The following TNRC6B variants were observed in gnomAD, a reference collection of about 807,000 sequenced individuals.
TNRC6B encodes trinucleotide repeat containing adaptor 6B, also known as trinucleotide repeat-containing gene 6B protein.
A neutral mutation model predicts 203.6 loss-of-function variants in TNRC6B; 52 were observed. The observed-to-expected ratio is 0.26, with a 90% confidence interval of 0.20 to 0.32. TNRC6B has a LOEUF of 0.32. Among genes scored for constraint, TNRC6B ranks in the 10% least tolerant of loss-of-function variants. The pLI is 1.00. For missense variants in TNRC6B, 1,923 were observed against 2,286.2 expected, an observed-to-expected ratio of 0.84 and a Z score of 3.24; for synonymous variants, 838 against 845.7, an observed-to-expected ratio of 0.99 and a Z score of 0.16.
At chr22:40,144,433 T>G (rs1319665434) in intron 3 of TNRC6B, among the ~76,000 whole-genome samples, 1 of 152,168 alleles carries the variant, frequency 6.6e-6, no homozygotes, top group Non-Finnish European at 1.5e-5. Context: ...CCCAGCACTT[T>G]GGGAGGCCGA....
intron 3 of TNRC6B, among the ~76,000 whole-genome samples, chr22:40,154,648 G>A (rs892444520): frequency 1.7e-4 from 26 of 150,166 alleles, no homozygotes; most frequent in African/African-American, 5.6e-4. Context: ...AGACTATCCC[G>A]GCTGACACGG....
intron 1 of TNRC6B, among the ~76,000 whole-genome samples, chr22:40,095,320 A>G (rs556222166): frequency 9.3e-5 from 13 of 139,590 alleles, no homozygotes; most frequent in African/African-American, 4.0e-4. Context: ...TAATATCTCA[A>G]ATTCCTTTGA....
At chr22:40,218,742 G>A (rs1034747825) in intron 1 of TNRC6B, among the ~76,000 whole-genome samples, 4 of 152,206 alleles carry the variant, frequency 2.6e-5, no homozygotes, top group African/African-American at 7.2e-5. Flanking sequence ...GGCGGCACAA[G>A]ATGACCAAAG....
In TNRC6B at chr22:40,266,209, C is replaced by T. The variant is rs2070476895; in HGVS notation, c.1979C>T (p.Thr660Ile). Residue 660 changes from threonine to isoleucine, a missense_variant, in exon 5 of 23, where the codon ACC becomes ATC. Coordinates refer to ENST00000454349, the MANE Select transcript of TNRC6B (RefSeq NM_001162501.2). ...TEGWESAATQTKNSGGWGDAP... is the reference protein window; with the variant it reads ...TEGWESAATQIKNSGGWGDAP... Reference sequence around the variant, plus strand: ...GGGTGGGAGAGCGCTGCCACACAGACCAAGAACTCAGGGGGCTGGGGAGAT... The same window carrying T: ...GGGTGGGAGAGCGCTGCCACACAGATCAAGAACTCAGGGGGCTGGGGAGAT... 1 of 1,610,788 alleles carries T rather than the reference C, an allele frequency of 6.2e-7. No individual in the cohort carries two copies. Among genetic ancestry groups the T allele is most frequent in the South Asian group, 1.1e-5 (1 of 90,732 alleles).
intron 1 of TNRC6B, among the ~76,000 whole-genome samples, chr22:40,058,902 A>T (rs1454501563): frequency 6.6e-6 from 1 of 152,206 alleles, no homozygotes; most frequent in Non-Finnish European, 1.5e-5. Flanking sequence ...TGGGTTATTT[A>T]AATAGCTCTC....
In TNRC6B at chr22:40,084,127, G is replaced by A. The variant is rs550596500; in HGVS notation, c.-120-32928G>A. On this transcript the variant is annotated intron_variant, in intron 1 of 23. Coordinates refer to the TNRC6B transcript ENST00000301923. ...TTTGAGAGAAGGAGACCTTGGAAGCGAATTGAAGGTTCTTGCAAGTAAGTG... is the reference window on the plus strand; with the variant it reads ...TTTGAGAGAAGGAGACCTTGGAAGCAAATTGAAGGTTCTTGCAAGTAAGTG... 5.3e-5 allele frequency among the ~76,000 whole-genome samples: 8 copies of A among 152,268 alleles called. No individual in the cohort carries two copies. The East Asian group carries it at 1.3e-3, about 26-fold the overall frequency.
At chr22:40,091,067 C>T (rs762057065) in intron 1 of TNRC6B, among the ~76,000 whole-genome samples, 7 of 152,122 alleles carry the variant, frequency 4.6e-5, no homozygotes, top group African/African-American at 7.2e-5. Flanking sequence ...CTGCAAGCTT[C>T]GCCTCCCGGG....
At chr22:40,208,115 A>G (rs2146417091) in intron 1 of TNRC6B, among the ~76,000 whole-genome samples, 2 of 131,326 alleles carry the variant, frequency 1.5e-5, no homozygotes, top group African/African-American at 5.0e-5. Flanking sequence ...CCATCTCAAA[A>G]AAAAAAAAAA....
chr22:40,233,551 G>C (rs2069908134), intron 1 of TNRC6B, among the ~76,000 whole-genome samples: 1 of 152,024 alleles, frequency 6.6e-6, no homozygotes, highest in South Asian at 2.1e-4. Flanking sequence ...GAACTCAGGA[G>C]GCGGAGGTTG....
chr22:40,171,479 A>G (rs1465101478), intron 4 of TNRC6B, among the ~76,000 whole-genome samples: 1 of 152,096 alleles, frequency 6.6e-6, no homozygotes, highest in Admixed American at 6.6e-5. Context: ...TAAATTTAAC[A>G]ATGAATGGGA....
intron 1 of TNRC6B, among the ~76,000 whole-genome samples, chr22:40,055,438 G>A (rs950469527): frequency 6.6e-6 from 1 of 152,112 alleles, no homozygotes; most frequent in Non-Finnish European, 1.5e-5. Flanking sequence ...CCGGCACAGC[G>A]GTATGCTTTA....
intron 3 of TNRC6B, among the ~76,000 whole-genome samples, chr22:40,135,134 T>C (rs1183299073): frequency 6.6e-6 from 1 of 152,212 alleles, no homozygotes; most frequent in African/African-American, 2.4e-5. Context: ...TCTCACAGCA[T>C]GGTGGCAGGG....
chr22:40,248,888 A>G (rs2070145531), intron 2 of TNRC6B, among the ~76,000 whole-genome samples: 1 of 152,214 alleles, frequency 6.6e-6, no homozygotes, highest in Non-Finnish European at 1.5e-5. Flanking sequence ...GAACCATTGC[A>G]TAATTTCAGA....
At chr22:40,079,840 G>A (rs111956707) in intron 1 of TNRC6B, among the ~76,000 whole-genome samples, 6,657 of 151,918 alleles carry the variant, frequency 0.044, 426 homozygotes, top group African/African-American at 0.14. Flanking sequence ...CTGTCGCCTA[G>A]GCTGGCGTGC....
At chr22:40,245,582 A>G (rs1242795853) in intron 1 of TNRC6B, among the ~76,000 whole-genome samples, 1 of 152,174 alleles carries the variant, frequency 6.6e-6, no homozygotes, top group Non-Finnish European at 1.5e-5. Flanking sequence ...GAAAACACCT[A>G]ATTTATGATA....
intron 1 of TNRC6B, among the ~76,000 whole-genome samples, chr22:40,198,904 A>C (rs528683517): frequency 6.6e-6 from 1 of 152,210 alleles, no homozygotes; most frequent in African/African-American, 2.4e-5. Context: ...CAGTGAGTGT[A>C]TCAGGTTTCT....
rs961421262 is a variant in TNRC6B, at chr22:40,325,599, C to T, written c.*2358C>T. 7.2e-5 allele frequency: 11 copies of T among 152,788 alleles called. No individual in the cohort carries two copies. Among genetic ancestry groups the T allele is most frequent in the Non-Finnish European group, 1.3e-4 (9 of 68,124 alleles). 9.5% of individuals were successfully genotyped at this position (152,788 alleles called of 1,614,324 possible). A position where few individuals can be genotyped will look rare whatever the true frequency, so the allele number is the denominator to read the frequency against. On this transcript the variant is annotated 3_prime_UTR_variant, in exon 23 of 23. Transcript: ENST00000454349. ...AATCACCACCGTGCCCCTTCCACCACTGTTCCCCATGCAAAAGCTCTGCTT... is the reference window on the plus strand; with the variant it reads ...AATCACCACCGTGCCCCTTCCACCATTGTTCCCCATGCAAAAGCTCTGCTT...
chr22:40,207,873 G>C (rs932551703), intron 1 of TNRC6B, among the ~76,000 whole-genome samples: 6 of 152,098 alleles, frequency 3.9e-5, no homozygotes, highest in Non-Finnish European at 8.8e-5. Flanking sequence ...AGCACTTTGG[G>C]AGGCTGAGGT....
At chr22:40,205,503 A>G (rs1185716322) in intron 1 of TNRC6B, among the ~76,000 whole-genome samples, 2 of 152,208 alleles carry the variant, frequency 1.3e-5, no homozygotes, top group Non-Finnish European at 2.9e-5. Flanking sequence ...AGAAACACTA[A>G]TCATCATCAA....
Sources: gnomAD v4.1 joint callset for allele counts (sites outside exome capture counted in the v4.1 genomes callset) on GRCh38, gnomAD v4.1.1 for gene constraint, MANE v1.5 for transcripts, NCBI Gene and HGNC (gene_info 2026-07-23, HGNC 2026-07-21) for gene names.